The following GSC variants were observed in gnomAD, a reference collection of about 807,000 sequenced individuals.
GSC encodes the protein goosecoid homeobox, also known as homeobox protein goosecoid.
Under a neutral mutation model 24.5 loss-of-function variants are expected in GSC, and 13 were observed. The ratio of observed to expected loss-of-function variants is 0.53; its 90% CI spans 0.35 to 0.84. The LOEUF (loss-of-function observed/expected upper bound fraction) is 0.84, where lower values mean the gene tolerates loss of function less well. Ranked by LOEUF, GSC falls within the 40% of genes least tolerant of loss-of-function variation. The probability of loss-of-function intolerance (pLI) is 0.01; values close to 1 mark genes in which losing one functional copy is unlikely to be tolerated. For synonymous variants in GSC, 199 were observed against 182.1 expected, an observed-to-expected ratio of 1.09 and a Z score of -0.75; for missense variants, 382 against 384.2, an observed-to-expected ratio of 0.99 and a Z score of 0.05.
At position 94,769,883 on chromosome 14, in the gene GSC, C is replaced by T; in HGVS notation, c.133G>A (p.Gly45Ser). The T allele has an allele frequency of 1.3e-6, 2 of 1,506,952 alleles. No individual in the cohort carries two copies. The highest frequency in any genetic ancestry group is 8.8e-7 in the Non-Finnish European group (1 of 1,135,580). The allele number at this position is 1,506,952 out of a possible 1,614,324, so 93.3% of individuals were successfully genotyped here. Residue 45 changes from glycine to serine, a missense_variant, in exon 1 of 3, where the codon GGC (glycine) becomes AGC (serine). Physicochemically the swap from Gly to Ser is moderately conservative, Grantham distance 56. Transcript: ENST00000238558. ...TCCGAGGAGGCGCCGCCGCTGGCGC[C>T]GTAGAGCGAGTCCCCGTGCAGGGCC... The part of the protein sequence containing the change: ...FPALHGDSLY[G>S]ASGGASSDYG...
chr14:94,768,933 G>A lies in GSC; in HGVS notation c.615+25C>T, dbSNP rs746400904. On this transcript the variant is annotated intron_variant, in intron 2 of 2. Coordinates refer to ENST00000238558, the MANE Select transcript of GSC (RefSeq NM_173849.3). ...ACCTCGCGGGGAAGGACCGCTAGGCGCCCACGGCAGGCCCCGGCGCCTACC... is the reference window on the plus strand; with the variant it reads ...ACCTCGCGGGGAAGGACCGCTAGGCACCCACGGCAGGCCCCGGCGCCTACC... 8 of 1,566,736 alleles carry A rather than the reference G, an allele frequency of 5.1e-6. No individual in the cohort carries two copies. In the Admixed American group the frequency reaches 5.6e-5, roughly 11 times the overall value.
chr14:94,769,571 A>T (rs1330661742), intron 1 of GSC, 90 bp downstream of exon 1: 3 of 1,393,256 alleles, frequency 2.2e-6, no homozygotes, highest in Non-Finnish European at 2.8e-6. Context: ...TTGCAAGAGG[A>T]GCAAAGTTTG....
chr14:94,768,941 C>T lies in GSC; in HGVS notation c.615+17G>A, dbSNP rs1264586848. Reference sequence around the variant, plus strand: ...GGGAAGGACCGCTAGGCGCCCACGGCAGGCCCCGGCGCCTACCTCCACTTT... The same window carrying T: ...GGGAAGGACCGCTAGGCGCCCACGGTAGGCCCCGGCGCCTACCTCCACTTT... On this transcript the variant is annotated intron_variant, in intron 2 of 2. Coordinates refer to ENST00000238558, the MANE Select transcript of GSC (RefSeq NM_173849.3). The T allele has an allele frequency of 6.4e-7, 1 of 1,570,842 alleles. No individual in the cohort carries two copies.
Position 94,769,872 on chromosome 14 carries a change from G to A in GSC, c.144C>T (p.Gly48=), listed in dbSNP as rs1885249664. 5 of 1,496,948 alleles carry A rather than the reference G, an allele frequency of 3.3e-6. No homozygotes were observed. The highest frequency in any genetic ancestry group is 2.7e-6 in the Non-Finnish European group (3 of 1,131,412). 92.7% of individuals were successfully genotyped at this position (1,496,948 alleles called of 1,614,324 possible). Residue 48 remains glycine, a synonymous_variant, in exon 1 of 3, where the codon GGC becomes GGT. Coordinates refer to ENST00000238558, the MANE Select transcript of GSC (RefSeq NM_173849.3). The part of the protein sequence containing the change: ...LHGDSLYGAS[G]GASSDYGAFY... The stretch of plus-strand genomic sequence containing the variant: ...AGGCGCCATAGTCCGAGGAGGCGCC[G>A]CCGCTGGCGCCGTAGAGCGAGTCCC...
Position 94,768,277 on chromosome 14 carries a change from G to A in GSC, c.*214C>T. On this transcript the variant is annotated 3_prime_UTR_variant, in exon 3 of 3. Coordinates refer to ENST00000238558, the MANE Select transcript of GSC (RefSeq NM_173849.3). ...CCCTTAATTTAACTATAAATACTAC[G>A]GTGGGGGCTAGTCGCGGGCGGCCTC... 1.6e-6 allele frequency: 1 copy of A among 615,852 alleles called. No homozygotes were observed. Among genetic ancestry groups the A allele is most frequent in the Admixed American group, 2.6e-5 (1 of 39,122 alleles). The allele number at this position is 615,852 out of a possible 1,614,324, so 38.1% of individuals were successfully genotyped here. A position where few individuals can be genotyped will look rare whatever the true frequency, so the allele number is the denominator to read the frequency against.
chr14:94,769,715 C>G lies in GSC; in HGVS notation c.301G>C (p.Gly101Arg), dbSNP rs1025867069. 5.5e-6 allele frequency: 8 copies of G among 1,449,922 alleles called. No individual in the cohort carries two copies. In the South Asian group the frequency reaches 5.6e-5, roughly 10 times the overall value. The allele number at this position is 1,449,922 out of a possible 1,614,324, so 89.8% of individuals were successfully genotyped here. A position where few individuals can be genotyped will look rare whatever the true frequency, so the allele number is the denominator to read the frequency against. The change falls in exon 1 of 3, where the codon GGG becomes CGG. Residue 101 changes from glycine to arginine, a missense_variant. Physicochemically the swap from Gly to Arg is moderately radical, Grantham distance 125. Transcript: ENST00000238558. ...TGGGCGCCCAGCGGCGGCACGGCCCCGCAGCAGGCCGGGCCCACGGGCGCC... is the reference window on the plus strand; with the variant it reads ...TGGGCGCCCAGCGGCGGCACGGCCCGGCAGCAGGCCGGGCCCACGGGCGCC... ...QAAPVGPACC[G>R]AVPPLGAQQC...
rs1885251406 is a variant in GSC at position 94,769,920 on chromosome 14, G to A, written c.96C>T (p.Pro32=). Residue 32 remains proline (P), a synonymous_variant, in exon 1 of 3, where the codon CCC becomes CCT. Transcript: ENST00000238558. ...VLPVAHSAAA[P]VVFPALHGDS... ...CCCCGTGCAGGGCCGGGAAGACGAC[G>A]GGAGCCGCCGCGCTGTGCGCCACCG... 1.3e-6 allele frequency: 2 copies of A among 1,534,248 alleles called. No homozygotes were observed. Among genetic ancestry groups the A allele is most frequent in the Non-Finnish European group, 1.7e-6 (2 of 1,148,044 alleles).
Position 94,769,656 on chromosome 14 carries a change from C to A in GSC, c.355+5G>T. On this transcript the variant is annotated splice_donor_5th_base_variant and intron_variant, in intron 1 of 2. Coordinates refer to ENST00000238558, the MANE Select transcript of GSC (RefSeq NM_173849.3). ...CGGCAGAGGCCGGAGCGAGCGCGACCCTACCTGGGGGCGTCGGGACGCAGG... is the reference window on the plus strand; with the variant it reads ...CGGCAGAGGCCGGAGCGAGCGCGACACTACCTGGGGGCGTCGGGACGCAGG... The A allele has an allele frequency of 7.0e-7, 1 of 1,426,964 alleles. No individual in the cohort carries two copies. The allele number at this position is 1,426,964 out of a possible 1,614,324, so 88.4% of individuals were successfully genotyped here. A position where few individuals can be genotyped will look rare whatever the true frequency, so the allele number is the denominator to read the frequency against.
chr14:94,769,593 T>G, intron 1 of GSC, 68 bp downstream of exon 1: 6 of 1,399,968 alleles, frequency 4.3e-6, no homozygotes, highest in Non-Finnish European at 5.5e-6. Flanking sequence ...GGAAGGTGAA[T>G]TAACCAACCG....
At chr14:94,768,746 G>A (rs1200615680) in intron 2 of GSC, 97 bp from the exon 3 acceptor site, 6 of 1,525,982 alleles carry the variant, frequency 3.9e-6, no homozygotes, top group African/African-American at 1.4e-5. Context: ...GGGACACCCC[G>A]CGCAGGCCAA....
chr14:94,768,748 G>T (rs1200843399), intron 2 of GSC, 99 bp from the exon 3 acceptor site: 1 of 1,516,916 alleles, frequency 6.6e-7, no homozygotes, highest in Admixed American at 1.7e-5. Context: ...GACACCCCGC[G>T]CAGGCCAACA....
At position 94,768,566 on chromosome 14, in the gene GSC, G is replaced by T. The variant is rs1304063152; in HGVS notation, c.699C>A (p.Asn233Lys). 1.2e-6 allele frequency: 2 copies of T among 1,614,072 alleles called. No individual in the cohort carries two copies. The highest frequency in any genetic ancestry group is 1.3e-5 in the African/African-American group (1 of 74,940). The change falls in exon 3 of 3, where the codon AAC becomes AAA. Residue 233 changes from asparagine to lysine, a missense_variant. Physicochemically the swap from Asn to Lys is moderately conservative, Grantham distance 94. Coordinates refer to ENST00000238558, the MANE Select transcript of GSC (RefSeq NM_173849.3). ...GTGACGCCTTCGACGACGACGTCTT[G>T]TTCCACTTCTCCGCGTTCTCCGACT... ...SEESENAEKW[N>K]KTSSSKASPE...
rs916846613 is a variant in GSC at position 94,769,140 on chromosome 14, A to T, written c.433T>A (p.Ser145Thr). 6.4e-7 allele frequency: 1 copy of T among 1,572,620 alleles called. No homozygotes were observed. The change falls in exon 2 of 3, where the codon TCG (serine) becomes ACG (threonine). Residue 145 changes from serine to threonine, a missense_variant. Physicochemically the swap from Ser to Thr is moderately conservative, Grantham distance 58. Transcript: ENST00000238558. ...TTGAGAAGCTGCAGCTCGGTGCGCG[A>T]CAGCGTGCCCACGTTCATGTAGGGC... ...MLPYMNVGTL[S>T]RTELQLLNQL...
At position 94,768,350 on chromosome 14, in the gene GSC, G is replaced by T. The variant is rs1885210810; in HGVS notation, c.*141C>A. 8.6e-7 allele frequency: 1 copy of T among 1,161,472 alleles called. No individual in the cohort carries two copies. Among genetic ancestry groups the T allele is most frequent in the African/African-American group, 1.5e-5 (1 of 66,432 alleles). 71.9% of individuals were successfully genotyped at this position (1,161,472 alleles called of 1,614,324 possible). On this transcript the variant is annotated 3_prime_UTR_variant, in exon 3 of 3. Transcript: ENST00000238558. ...CTGACCCCAGACGCCGACCCTCCCG[G>T]CTCTGTACACTATTTACAGCTCCTC... is the stretch of plus-strand genomic sequence containing the variant.
chr14:94,769,278 C>A, intron 1 of GSC, 61 bp from the exon 2 acceptor site: 1 of 1,525,806 alleles, frequency 6.6e-7, no homozygotes, highest in South Asian at 1.2e-5. Context: ...CATGCACGCC[C>A]GCCAGCCCCC....
At chr14:94,769,250 C>T (rs1470688790) in intron 1 of GSC, 33 bp from the exon 2 acceptor site, 1 of 1,542,396 alleles carries the variant, frequency 6.5e-7, no homozygotes, top group Non-Finnish European at 8.7e-7. Context: ...GTCAGCCGCC[C>T]GCCCTCGCCA....
At chr14:94,769,536 C>G (rs922582901) in intron 1 of GSC, 125 bp downstream of exon 1, 10 of 1,328,714 alleles carry the variant, frequency 7.5e-6, no homozygotes, top group Non-Finnish European at 8.8e-6. Flanking sequence ...CTCCTGCGCC[C>G]GATCGGCAAA....
Position 94,768,661 on chromosome 14 carries a change from C to T in GSC, c.616-12G>A, listed in dbSNP as rs772741806. Reference sequence around the variant, plus strand: ...TTCTTAAACCAGACCTGTTGCGCAACGGAGGACAAAACAGTTCAGATCAAA... The same window carrying T: ...TTCTTAAACCAGACCTGTTGCGCAATGGAGGACAAAACAGTTCAGATCAAA... On this transcript the variant is annotated splice_polypyrimidine_tract_variant and intron_variant, in intron 2 of 2. Coordinates refer to ENST00000238558, the MANE Select transcript of GSC (RefSeq NM_173849.3). 47 of 1,612,780 alleles carry T rather than the reference C, an allele frequency of 2.9e-5. No individual in the cohort carries two copies. Among genetic ancestry groups the T allele is most frequent in the Non-Finnish European group, 3.9e-5 (46 of 1,179,976 alleles).
In GSC at chr14:94,768,338, C is replaced by G; in HGVS notation, c.*153G>C. On this transcript the variant is annotated 3_prime_UTR_variant, in exon 3 of 3. Coordinates refer to ENST00000238558, the MANE Select transcript of GSC (RefSeq NM_173849.3). The stretch of plus-strand genomic sequence containing the variant: ...GCTGTGCGCGCCCTGACCCCAGACG[C>G]CGACCCTCCCGGCTCTGTACACTAT... 9.7e-7 allele frequency: 1 copy of G among 1,030,770 alleles called. No individual in the cohort carries two copies. The highest frequency in any genetic ancestry group is 1.5e-6 in the Non-Finnish European group (1 of 684,110). 63.9% of individuals were successfully genotyped at this position (1,030,770 alleles called of 1,614,324 possible).
Sources: gnomAD v4.1 joint callset for allele counts on GRCh38, gnomAD v4.1.1 for gene constraint, MANE v1.5 for transcripts, NCBI Gene and HGNC (gene_info 2026-07-23, HGNC 2026-07-21) for gene names.